The following GARNL3 variants were observed in gnomAD, a reference collection of about 807,000 sequenced individuals.
The protein encoded by GARNL3 is GTPase-activating Rap/Ran-GAP domain-like protein 3.
Under a neutral mutation model 125.0 loss-of-function variants are expected in GARNL3, and 63 were observed. That is an observed-to-expected ratio of 0.50 (90% CI 0.41 to 0.62). GARNL3 has a LOEUF of 0.62. Among genes scored for constraint, GARNL3 ranks in the 20% least tolerant of loss-of-function variants. GARNL3 has a pLI of 0.00. For missense variants in GARNL3, 994 were observed against 1,244.0 expected, an observed-to-expected ratio of 0.80 and a Z score of 3.02; for synonymous variants, 439 against 457.5, an observed-to-expected ratio of 0.96 and a Z score of 0.52.
intron 1 of GARNL3, among the ~76,000 whole-genome samples, chr9:127,231,046 ATATATTTTTTTT>A (rs1363039604): frequency 2.7e-4 from 12 of 45,230 alleles, no homozygotes; most frequent in African/African-American, 8.7e-4. Context: ...ATATATATAT[ATATATTTTTTTT>A]TTTTTTTTTT....
intron 2 of GARNL3, among the ~76,000 whole-genome samples, chr9:127,297,321 T>A (rs1401903229): frequency 6.6e-6 from 1 of 152,200 alleles, no homozygotes; most frequent in Non-Finnish European, 1.5e-5. Flanking sequence ...GTATTTTTTG[T>A]AGAGATGGGG....
Position 127,226,555 on chromosome 9 carries a change from C to T in GARNL3, c.-29+2217C>T, listed in dbSNP as rs2062917273. ...ACCCGCTGGTGCTTCCTCCCTTGTG[C>T]TGCACTGTTTCTCATCTGGGCCCTT... On this transcript the variant is annotated intron_variant, in intron 1 of 10. Transcript: ENST00000439286. 2.0e-5 allele frequency among the ~76,000 whole-genome samples: 3 copies of T among 152,304 alleles called. No individual in the cohort carries two copies. In the South Asian group the frequency reaches 6.2e-4, roughly 32 times the overall value.
At chr9:127,254,194 C>G (rs1328263961) in intron 2 of GARNL3, among the ~76,000 whole-genome samples, 1 of 152,002 alleles carries the variant, frequency 6.6e-6, no homozygotes, top group East Asian at 1.9e-4. Context: ...TTGAGGAGGT[C>G]TAGGGTAGGA....
rs757586406 is a variant in GARNL3 at position 127,385,091 on chromosome 9, C to T, written c.2334C>T (p.Asn778=). ...CCATGGAGATCCGCCTGGTGGTGAA[C>T]GGGAACCTGGTCCACACTGCAGTCG... ...TDSMEIRLVV[N]GNLVHTAVVP... The change falls in exon 24 of 28, where the codon AAC becomes AAT. Residue 778 remains asparagine (N), a synonymous_variant. Coordinates refer to ENST00000373387, the MANE Select transcript of GARNL3 (RefSeq NM_032293.5). The surrounding 1 kb of genome is among the most constrained non-coding windows in gnomAD (Gnocchi z 4.1). 108 of 1,612,658 alleles carry T rather than the reference C, an allele frequency of 6.7e-5. 2 individuals carry two copies. In the South Asian group the frequency reaches 7.3e-4, roughly 11 times the overall value.
chr9:127,391,533 A>AAAAAGAATATATATATAT, intron 27 of GARNL3, among the ~76,000 whole-genome samples: 1 of 75,848 alleles, frequency 1.3e-5, no homozygotes, highest in African/African-American at 3.9e-5. Context: ...ACAAAAAAAA[A>AAAAAGAATATATATATAT]ATATATATAT....
intron 1 of GARNL3, among the ~76,000 whole-genome samples, chr9:127,228,688 C>T (rs544239733): frequency 1.3e-5 from 2 of 152,216 alleles, no homozygotes; most frequent in South Asian, 4.1e-4. Flanking sequence ...TTGTTTAGGT[C>T]AAATATATAG....
intron 4 of GARNL3, among the ~76,000 whole-genome samples, chr9:127,317,463 G>A (rs149921570): frequency 0.13 from 20,230 of 152,162 alleles, 1,736 homozygotes; most frequent in East Asian, 0.21. Flanking sequence ...GGTGGCTCAT[G>A]CCTGTAATCC....
At chr9:127,357,676 G>A (rs371315982) in intron 21 of GARNL3, among the ~76,000 whole-genome samples, 5 of 152,028 alleles carry the variant, frequency 3.3e-5, no homozygotes, top group African/African-American at 7.2e-5. Flanking sequence ...AATGGCTCAC[G>A]CCTGTAATCC....
intron 27 of GARNL3, 43 bp from the exon 28 acceptor site, chr9:127,393,040 T>C: frequency 1.3e-6 from 2 of 1,510,118 alleles, no homozygotes; most frequent in Non-Finnish European, 1.8e-6. Context: ...CCCAGTTCTG[T>C]GGTACTCCCA....
chr9:127,338,611 C>A (rs916881996), intron 12 of GARNL3, among the ~76,000 whole-genome samples: 5 of 152,172 alleles, frequency 3.3e-5, no homozygotes, highest in Non-Finnish European at 7.3e-5. Context: ...AGCCTCAGGC[C>A]TTCTGTGTAG....
intron 21 of GARNL3, among the ~76,000 whole-genome samples, chr9:127,360,057 G>T (rs570498789): frequency 2.2e-4 from 34 of 152,126 alleles, no homozygotes; most frequent in Non-Finnish European, 3.7e-4. Flanking sequence ...GTCTCGCTCT[G>T]TCGCCCAGGC....
intron 1 of GARNL3, among the ~76,000 whole-genome samples, chr9:127,237,206 G>C (rs954804497): frequency 6.6e-6 from 1 of 152,198 alleles, no homozygotes; most frequent in Non-Finnish European, 1.5e-5. Flanking sequence ...GAAGCAAGGA[G>C]ATCCTGGCAC....
At chr9:127,350,958 G>A (rs116784826) in intron 17 of GARNL3, among the ~76,000 whole-genome samples, 1,815 of 152,208 alleles carry the variant, frequency 0.012, 46 homozygotes, top group African/African-American at 0.042. Context: ...TTAGTGGCAC[G>A]TCTGGGACTA....
At chr9:127,383,305 G>A (rs1374413790) in intron 22 of GARNL3, 133 bp from the exon 23 acceptor site, 2 of 556,902 alleles carry the variant, frequency 3.6e-6, no homozygotes, top group Admixed American at 3.4e-5. Context: ...GCATCATGGC[G>A]GTATTCATAC....
chr9:127,269,788 T>G (rs1048298353), intron 1 of GARNL3, among the ~76,000 whole-genome samples: 7 of 146,300 alleles, frequency 4.8e-5, no homozygotes, highest in Non-Finnish European at 9.0e-5. Context: ...TTTTTTGTGT[T>G]TTTTTTTTTT....
intron 22 of GARNL3, among the ~76,000 whole-genome samples, chr9:127,377,887 A>C (rs1832012415): frequency 6.6e-6 from 1 of 152,186 alleles, no homozygotes; most frequent in Non-Finnish European, 1.5e-5. Flanking sequence ...AAAGAACCAT[A>C]AAATTAAAAG....
At chr9:127,361,929 G>T (rs1308311247) in intron 21 of GARNL3, 1 of 151,816 alleles carries the variant, frequency 6.6e-6, no homozygotes, top group Non-Finnish European at 1.5e-5. Flanking sequence ...AGCCTGTCTA[G>T]TTCCACCTTT....
intron 7 of GARNL3, among the ~76,000 whole-genome samples, chr9:127,329,943 A>G (rs1017744520): frequency 5.3e-5 from 8 of 152,180 alleles, no homozygotes; most frequent in Non-Finnish European, 1.2e-4. Flanking sequence ...GCTAGCTGTC[A>G]GCTCAGCTGG....
At chr9:127,380,354 C>T (rs1832184431) in intron 22 of GARNL3, among the ~76,000 whole-genome samples, 1 of 152,006 alleles carries the variant, frequency 6.6e-6, no homozygotes, top group African/African-American at 2.4e-5. Context: ...TAACAAAGCT[C>T]ATAAAGATGT....
Sources: gnomAD v4.1 joint callset for allele counts (sites outside exome capture counted in the v4.1 genomes callset) on GRCh38, gnomAD v4.1.1 for gene constraint, Gnocchi (gnomAD v3.1) non-coding constraint, MANE v1.5 for transcripts, NCBI Gene and HGNC (gene_info 2026-07-23, HGNC 2026-07-21) for gene names.